Variants in HTR2C observed in about 807,000 individuals in gnomAD.
The protein encoded by HTR2C is 5-hydroxytryptamine (serotonin) receptor 2C, G protein-coupled.
In HTR2C, 5 loss-of-function variants were observed where a neutral mutation model predicts 21.0. The observed-to-expected ratio is 0.24, with a 90% confidence interval of 0.12 to 0.50. The LOEUF is 0.50. HTR2C is among the 20% of genes least tolerant of loss of function. The probability of loss-of-function intolerance (pLI) is 0.98; values close to 1 mark genes in which losing one functional copy is unlikely to be tolerated. For missense variants in HTR2C, 271 were observed against 371.2 expected, an observed-to-expected ratio of 0.73 and a Z score of 2.22; for synonymous variants, 150 against 145.3, an observed-to-expected ratio of 1.03 and a Z score of -0.23.
intron 4 of HTR2C, among the ~76,000 whole-genome samples, chrX:114,760,504 C>T (rs1409234990): frequency 9.0e-6 from 1 of 111,169 alleles, no homozygotes; most frequent in African/African-American, 3.3e-5. Flanking sequence ...TGGAAATACA[C>T]AACCCCACAT....
chrX:114,779,200 G>A (rs184817089), intron 4 of HTR2C, among the ~76,000 whole-genome samples: 12 of 110,983 alleles, frequency 1.1e-4, no homozygotes, highest in Admixed American at 8.7e-4. Context: ...TGTCATCTTG[G>A]GGGGAGGCTG....
At chrX:114,685,394 A>G (rs898789508) in intron 2 of HTR2C, among the ~76,000 whole-genome samples, 2 of 111,918 alleles carry the variant, frequency 1.8e-5, no homozygotes, top group Admixed American at 1.9e-4. Flanking sequence ...TGTCAGTAAA[A>G]CTATCTCTTT....
intron 1 of HTR2C, among the ~76,000 whole-genome samples, chrX:114,591,404 T>A (rs1198694764): frequency 2.7e-5 from 3 of 111,913 alleles, no homozygotes; most frequent in African/African-American, 9.7e-5. Flanking sequence ...ATTTTTAAAA[T>A]CACTATGTAA....
chrX:114,726,932 C>A lies in HTR2C; in HGVS notation c.-5C>A. 1 of 1,130,234 alleles carries A rather than the reference C, an allele frequency of 8.8e-7. No individual in the cohort carries two copies. The highest frequency in any genetic ancestry group is 1.2e-6 in the Non-Finnish European group (1 of 848,129). The allele number at this position is 1,130,234 out of a possible 1,213,427, so 93.1% of individuals were successfully genotyped here. A position where few individuals can be genotyped will look rare whatever the true frequency, so the allele number is the denominator to read the frequency against. ...AAACTTTGGTTGCTTAAGACTGAAG[C>A]AATCATGGTGAACCTGAGGAATGCG... is the stretch of plus-strand genomic sequence containing the variant. On this transcript the variant is annotated 5_prime_UTR_variant, in exon 3 of 6. Transcript: ENST00000276198.
At chrX:114,877,477 C>T (rs1335126154) in intron 5 of HTR2C, among the ~76,000 whole-genome samples, 1 of 110,450 alleles carries the variant, frequency 9.1e-6, no homozygotes, top group Non-Finnish European at 1.9e-5. Flanking sequence ...TATTTCCTTT[C>T]TTTGACTAAC....
chrX:114,693,840 T>A (rs1425513170), intron 2 of HTR2C, among the ~76,000 whole-genome samples: 3 of 111,496 alleles, frequency 2.7e-5, no homozygotes, highest in African/African-American at 9.8e-5. Context: ...GGGATTATGA[T>A]CTAATGTGGA....
At chrX:114,859,842 A>T (rs1365551414) in intron 5 of HTR2C, among the ~76,000 whole-genome samples, 1 of 111,632 alleles carries the variant, frequency 9.0e-6, no homozygotes, top group Non-Finnish European at 1.9e-5. Context: ...TCTAAATTCT[A>T]CTTTAGCTGT....
At chrX:114,632,728 C>T (rs894902128) in intron 2 of HTR2C, among the ~76,000 whole-genome samples, 2 of 110,480 alleles carry the variant, frequency 1.8e-5, no homozygotes, top group Admixed American at 9.6e-5. Context: ...GAAATTGGCC[C>T]GTGCCTTTAT....
intron 1 of HTR2C, among the ~76,000 whole-genome samples, chrX:114,606,406 C>T (rs1350334937): frequency 1.8e-5 from 2 of 111,644 alleles, no homozygotes; most frequent in Non-Finnish European, 1.9e-5. Context: ...ACCCTTGAAA[C>T]GTGGGTGTAT....
At chrX:114,706,371 T>G (rs1201536076) in intron 2 of HTR2C, among the ~76,000 whole-genome samples, 3 of 88,283 alleles carry the variant, frequency 3.4e-5, no homozygotes, top group Admixed American at 2.7e-4. Context: ...TGGAATACTA[T>G]GCAGCCATAA....
intron 2 of HTR2C, among the ~76,000 whole-genome samples, chrX:114,690,423 TG>T: frequency 8.9e-6 from 1 of 112,115 alleles, no homozygotes; most frequent in Middle Eastern, 4.6e-3. Flanking sequence ...TACATTATTT[TG>T]ATATTTGACT....
chrX:114,858,765 G>A (rs1320763565), intron 5 of HTR2C, among the ~76,000 whole-genome samples: 4 of 109,318 alleles, frequency 3.7e-5, no homozygotes, highest in South Asian at 7.7e-4. Context: ...TTTTTTTTTA[G>A]TGGAAAACTG....
Position 114,698,557 on chromosome X carries a change from G to A in HTR2C, c.-79-28301G>A, listed in dbSNP as rs183163555. On this transcript the variant is annotated intron_variant, in intron 2 of 5. Transcript: ENST00000276198. ...AATAAATGTTATTTTCAAATGTCTT[G>A]TATTTCATTAAAGGAAAATATTAAT... Among the ~76,000 whole-genome samples, 25 of 111,022 alleles carry A rather than the reference G, an allele frequency of 2.3e-4. No homozygotes were observed. In the East Asian group the frequency reaches 6.8e-3, roughly 30 times the overall value.
At chrX:114,671,253 G>A (rs1931368581) in intron 2 of HTR2C, among the ~76,000 whole-genome samples, 2 of 111,730 alleles carry the variant, frequency 1.8e-5, no homozygotes, top group South Asian at 7.3e-4. Flanking sequence ...AATTATGGAT[G>A]ACTCTTTACA....
intron 5 of HTR2C, among the ~76,000 whole-genome samples, chrX:114,898,167 G>A (rs1160107975): frequency 3.5e-5 from 4 of 112,833 alleles, no homozygotes; most frequent in African/African-American, 1.3e-4. Context: ...GCGATGTTGA[G>A]CTTGTTTTCA....
At chrX:114,684,540 G>C (rs1292711989) in intron 2 of HTR2C, among the ~76,000 whole-genome samples, 1 of 111,385 alleles carries the variant, frequency 9.0e-6, no homozygotes, top group Non-Finnish European at 1.9e-5. Context: ...AATTTTTTAG[G>C]TTACTTTTAT....
rs150347328 is a variant in HTR2C, at chrX:114,882,486, G to A, written c.551-24103G>A. Reference sequence around the variant, plus strand: ...TGTCTGCTGTGGGTTTTTCATAAACGCCCTTTACCAAGTTGATGAGTTTCC... The same window carrying A: ...TGTCTGCTGTGGGTTTTTCATAAACACCCTTTACCAAGTTGATGAGTTTCC... On this transcript the variant is annotated intron_variant, in intron 5 of 5. Coordinates refer to ENST00000276198, the MANE Select transcript of HTR2C (RefSeq NM_000868.4). Among the ~76,000 whole-genome samples, 242 of 110,767 alleles carry A rather than the reference G, an allele frequency of 2.2e-3. 1 individual carries two copies. Among genetic ancestry groups the A allele is most frequent in the African/African-American group, 6.3e-3 (193 of 30,769 alleles).
intron 1 of HTR2C, among the ~76,000 whole-genome samples, chrX:114,597,187 C>A (rs1927893383): frequency 1.1e-5 from 1 of 95,075 alleles, no homozygotes; most frequent in Admixed American, 1.3e-4. Context: ...CATTGCACTC[C>A]AGCCTGGGTG....
At chrX:114,699,256 A>G (rs1456949614) in intron 2 of HTR2C, among the ~76,000 whole-genome samples, 2 of 111,965 alleles carry the variant, frequency 1.8e-5, no homozygotes, top group African/African-American at 6.5e-5. Flanking sequence ...CTTTTTTCCA[A>G]TAACGCTGTA....
Sources: allele counts gnomAD v4.1 joint callset (sites outside exome capture counted in the v4.1 genomes callset), GRCh38; gene constraint gnomAD v4.1.1; transcripts MANE v1.5; gene names NCBI Gene and HGNC (gene_info 2026-07-23, HGNC 2026-07-21).